Variants in BLVRA observed in about 807,000 individuals in gnomAD.
BLVRA encodes the protein BVR A.
A neutral mutation model predicts 32.8 loss-of-function variants in BLVRA; 22 were observed. The observed-to-expected ratio is 0.67, with a 90% CI of 0.48 to 0.96. The LOEUF (loss-of-function observed/expected upper bound fraction) is 0.96, where lower values mean the gene tolerates loss of function less well. BLVRA is among the 40% of genes least tolerant of loss of function. The pLI, the probability that BLVRA is intolerant of heterozygous loss-of-function variation, is 0.00. For synonymous variants in BLVRA, 119 were observed against 141.3 expected (o/e 0.84, Z 1.12); for missense variants, 323 against 358.1 (o/e 0.90, Z 0.79).
At chr7:43,773,134 A>T (rs1261419579) in intron 2 of BLVRA, among the ~76,000 whole-genome samples, 5 of 151,762 alleles carry the variant, frequency 3.3e-5, no homozygotes, top group Admixed American at 2.6e-4. Context: ...TTTTTAATTT[A>T]ATTTTATTTT....
Position 43,803,833 on chromosome 7 carries a change from G to A in BLVRA, c.618G>A (p.Glu206=). ...ATATGAAAATGACAGTGTGTCTGGA[G>A]ACAGAGAAGAAAAGGTAAGTCATGA... is the stretch of plus-strand genomic sequence containing the variant. ...DQYMKMTVCL[E]TEKKSPLSWI... Residue 206 remains glutamate (E), a synonymous_variant, in exon 7 of 8, where the codon GAG becomes GAA. Coordinates refer to ENST00000265523, the MANE Select transcript of BLVRA (RefSeq NM_000712.4). The A allele has an allele frequency of 1.2e-6, 2 of 1,614,128 alleles. No individual in the cohort carries two copies. The highest frequency in any genetic ancestry group is 8.5e-7 in the Non-Finnish European group (1 of 1,179,990).
chr7:43,771,064 G>A, intron 1 of BLVRA, 74 bp from the exon 2 acceptor site: 1 of 1,301,760 alleles, frequency 7.7e-7, no homozygotes, highest in Non-Finnish European at 1.1e-6. Flanking sequence ...AGCATGGGGT[G>A]GCAAAGGGGA....
In BLVRA at chr7:43,783,033, T is replaced by C. The variant is rs186898251; in HGVS notation, c.13-4871T>C. ...GGACTCTGAGCACTGTAGAGGGAGC[T>C]CCAGGAAGGGAAGCGGGAGTGAGCC... On this transcript the variant is annotated intron_variant, in intron 2 of 7. Coordinates refer to ENST00000265523, the MANE Select transcript of BLVRA (RefSeq NM_000712.4). Among the ~76,000 whole-genome samples, 54 of 151,838 alleles carry C rather than the reference T, an allele frequency of 3.6e-4. 3 individuals carry two copies. The East Asian group carries it at 6.6e-3, about 18-fold the overall frequency.
intron 3 of BLVRA, among the ~76,000 whole-genome samples, chr7:43,790,430 C>CACACACACACACAA (rs1288593039): frequency 6.6e-6 from 1 of 152,010 alleles, no homozygotes; most frequent in African/African-American, 2.4e-5. Flanking sequence ...GAGGAAGACA[C>CACACACACACACAA]ACACACACAC....
At chr7:43,769,901 G>A (rs1020675251) in intron 1 of BLVRA, among the ~76,000 whole-genome samples, 1 of 152,184 alleles carries the variant, frequency 6.6e-6, no homozygotes, top group African/African-American at 2.4e-5. Context: ...GAGCCACTGC[G>A]CCCAGCTCCA....
At chr7:43,777,981 C>T (rs2095763453) in intron 2 of BLVRA, among the ~76,000 whole-genome samples, 1 of 152,212 alleles carries the variant, frequency 6.6e-6, no homozygotes, top group East Asian at 1.9e-4. Flanking sequence ...CGAGCCTTGG[C>T]TTTCAGCTCC....
chr7:43,763,426 C>A (rs568131470), intron 1 of BLVRA, among the ~76,000 whole-genome samples: 1 of 152,326 alleles, frequency 6.6e-6, no homozygotes, highest in South Asian at 2.1e-4. Flanking sequence ...AGCCTGCCTG[C>A]TGAGGAGGGA....
At chr7:43,795,674 C>A (rs185846430) in intron 5 of BLVRA, among the ~76,000 whole-genome samples, 133 of 150,728 alleles carry the variant, frequency 8.8e-4, no homozygotes, top group African/African-American at 2.7e-3. Context: ...CAAACTCAAT[C>A]GAAAATTAGC....
intron 7 of BLVRA, among the ~76,000 whole-genome samples, chr7:43,806,765 T>C (rs1418098561): frequency 2.0e-5 from 3 of 151,986 alleles, no homozygotes; most frequent in Non-Finnish European, 4.4e-5. Context: ...AAAAAGTCAC[T>C]GAATGAATTC....
At chr7:43,774,078 A>G (rs2132554976) in intron 2 of BLVRA, among the ~76,000 whole-genome samples, 1 of 152,164 alleles carries the variant, frequency 6.6e-6, no homozygotes, top group African/African-American at 2.4e-5. Flanking sequence ...ATTTTCTCCC[A>G]TTTTGTAGGT....
chr7:43,787,217 C>T lies in BLVRA; in HGVS notation c.13-687C>T, dbSNP rs2095778867. ...GGATTACAGGCGTGAGCCACCGTGC[C>T]CAGTGCATGGAGATAAATTTTATCA... On this transcript the variant is annotated intron_variant, in intron 2 of 7. Coordinates refer to ENST00000265523, the MANE Select transcript of BLVRA (RefSeq NM_000712.4). The surrounding 1 kb of genome is among the most constrained non-coding windows in gnomAD (Gnocchi z 4.5). Among the ~76,000 whole-genome samples the T allele has an allele frequency of 2.0e-5, 3 of 152,120 alleles. No homozygotes were observed. The highest frequency in any genetic ancestry group is 2.1e-4 in the South Asian group (1 of 4,824).
At chr7:43,776,587 C>G (rs935318937) in intron 2 of BLVRA, among the ~76,000 whole-genome samples, 2 of 152,070 alleles carry the variant, frequency 1.3e-5, no homozygotes, top group Non-Finnish European at 2.9e-5. Flanking sequence ...TGGAATAGGT[C>G]TGGTGTGGTG....
At chr7:43,765,998 AAAGTT>A (rs2095747418) in intron 1 of BLVRA, among the ~76,000 whole-genome samples, 1 of 152,252 alleles carries the variant, frequency 6.6e-6, no homozygotes, top group Non-Finnish European at 1.5e-5. Flanking sequence ...TAAATAAAGA[AAAGTT>A]AAGGCAAGGC....
intron 5 of BLVRA, among the ~76,000 whole-genome samples, chr7:43,797,118 T>C (rs867633819): frequency 3.0e-4 from 45 of 152,276 alleles, no homozygotes; most frequent in African/African-American, 1.0e-3. Flanking sequence ...GTTTTTTGGT[T>C]TTTTAAGACA....
At chr7:43,782,870 G>A (rs1281278890) in intron 2 of BLVRA, among the ~76,000 whole-genome samples, 1 of 152,164 alleles carries the variant, frequency 6.6e-6, no homozygotes, top group Non-Finnish European at 1.5e-5. Flanking sequence ...GCCCTTGAAT[G>A]TGATGAGAAG....
In BLVRA at chr7:43,791,316, G is replaced by C; in HGVS notation, c.202G>C (p.Val68Leu). ...SLEDALSSQE[V>L]EVAYICSESS... ...GGAGGATGCTCTTTCCAGCCAAGAG[G>C]TGGAGGTCGCCTATATCTGCAGTGA... Residue 68 changes from valine (V) to leucine (L), a missense_variant, in exon 4 of 8, where the codon GTG becomes CTG. Transcript: ENST00000265523. 1 of 1,614,202 alleles carries C rather than the reference G, an allele frequency of 6.2e-7. No homozygotes were observed. The highest frequency in any genetic ancestry group is 8.5e-7 in the Non-Finnish European group (1 of 1,180,024).
At chr7:43,771,269 CA>C (rs1157953454) in intron 2 of BLVRA, 99 bp downstream of exon 2, 3 of 1,404,920 alleles carry the variant, frequency 2.1e-6, no homozygotes, top group East Asian at 4.6e-5. Flanking sequence ...AACATCAGCA[CA>C]AACTTGAGAA....
At chr7:43,774,762 A>C (rs936639128) in intron 2 of BLVRA, among the ~76,000 whole-genome samples, 2 of 152,100 alleles carry the variant, frequency 1.3e-5, no homozygotes, top group African/African-American at 4.8e-5. Context: ...TGATTCTTCC[A>C]ACCCATGAGC....
rs1937114496 is a variant in BLVRA, at chr7:43,777,577, T to G, written c.12+6407T>G. On this transcript the variant is annotated intron_variant, in intron 2 of 7. Coordinates refer to ENST00000265523, the MANE Select transcript of BLVRA (RefSeq NM_000712.4). ...CTTTCTCTCTGGCTGCCCTTAACATTTTTTCCTTCATTTCAACTTTGGTGA... is the reference window on the plus strand; with the variant it reads ...CTTTCTCTCTGGCTGCCCTTAACATGTTTTCCTTCATTTCAACTTTGGTGA... Among the ~76,000 whole-genome samples the G allele has an allele frequency of 2.0e-5, 3 of 152,332 alleles. 1 individual carries two copies. The South Asian group carries it at 6.2e-4, about 32-fold the overall frequency.
Sources: gnomAD v4.1 joint callset for allele counts (sites outside exome capture counted in the v4.1 genomes callset) on GRCh38, gnomAD v4.1.1 for gene constraint, Gnocchi (gnomAD v3.1) non-coding constraint, MANE v1.5 for transcripts, NCBI Gene and HGNC (gene_info 2026-07-23, HGNC 2026-07-21) for gene names.